The following AKAP6 variants were observed in gnomAD, a reference collection of about 807,000 sequenced individuals.
AKAP6 encodes A-kinase anchor protein 6.
In AKAP6, 58 loss-of-function variants were observed where a neutral mutation model predicts 188.5. The ratio of observed to expected loss-of-function variants is 0.31; its 90% CI spans 0.25 to 0.38. The LOEUF is 0.38. Among genes scored for constraint, AKAP6 ranks in the 10% least tolerant of loss-of-function variants. The probability of loss-of-function intolerance (pLI) is 1.00; values close to 1 mark genes in which losing one functional copy is unlikely to be tolerated. For synonymous variants in AKAP6, 989 were observed against 998.6 expected (o/e 0.99, Z 0.18); for missense variants, 2,710 against 2,740.0 (o/e 0.99, Z 0.24).
At chr14:32,611,331 C>T (rs1451841142) in intron 7 of AKAP6, among the ~76,000 whole-genome samples, 1 of 152,072 alleles carries the variant, frequency 6.6e-6, no homozygotes, top group Non-Finnish European at 1.5e-5. Flanking sequence ...GGTGTGTAAC[C>T]TGGGCATAGA....
chr14:32,557,018 A>G (rs777489150), intron 4 of AKAP6, among the ~76,000 whole-genome samples: 2 of 151,994 alleles, frequency 1.3e-5, no homozygotes, highest in Non-Finnish European at 2.9e-5. Context: ...GGCTAAGACC[A>G]AGTCATCTTC....
At chr14:32,539,040 C>G (rs760525272) in intron 3 of AKAP6, among the ~76,000 whole-genome samples, 4 of 152,132 alleles carry the variant, frequency 2.6e-5, no homozygotes, top group Non-Finnish European at 5.9e-5. Flanking sequence ...GTATAAGACT[C>G]TATGCATTCA....
chr14:32,824,965 T>C (rs2034638526), intron 13 of AKAP6, 150 bp downstream of exon 13: 1 of 499,748 alleles, frequency 2.0e-6, no homozygotes, highest in Non-Finnish European at 3.3e-6. Flanking sequence ...CTCTCAACAA[T>C]GAAAGTAACT....
At chr14:32,501,605 CAGAGT>C (rs1245900966) in intron 2 of AKAP6, among the ~76,000 whole-genome samples, 3 of 152,064 alleles carry the variant, frequency 2.0e-5, no homozygotes, top group Non-Finnish European at 4.4e-5. Context: ...TTGGCGAGTA[CAGAGT>C]AGAGTCTTTA....
chr14:32,727,394 C>T (rs2030925372), intron 9 of AKAP6, among the ~76,000 whole-genome samples: 1 of 152,074 alleles, frequency 6.6e-6, no homozygotes. Flanking sequence ...GTTGCCAGGT[C>T]TCCTACTTAA....
chr14:32,635,357 T>C (rs1594800109), intron 7 of AKAP6, among the ~76,000 whole-genome samples: 1 of 152,112 alleles, frequency 6.6e-6, no homozygotes, highest in Admixed American at 6.6e-5. Context: ...ACATAAGTTA[T>C]GGACAAAATA....
At chr14:32,668,657 G>T (rs1034545690) in intron 7 of AKAP6, among the ~76,000 whole-genome samples, 5 of 151,992 alleles carry the variant, frequency 3.3e-5, no homozygotes, top group African/African-American at 1.2e-4. Context: ...TTTATCTTTT[G>T]CAGTTGTCCT....
At chr14:32,355,476 G>C (rs1032173339) in intron 1 of AKAP6, among the ~76,000 whole-genome samples, 5 of 152,076 alleles carry the variant, frequency 3.3e-5, no homozygotes, top group African/African-American at 1.2e-4. Flanking sequence ...AGGACGGGGA[G>C]GCCTCTAAAT....
chr14:32,809,212 G>C (rs1435569987), intron 12 of AKAP6, among the ~76,000 whole-genome samples: 2 of 152,194 alleles, frequency 1.3e-5, no homozygotes, highest in Non-Finnish European at 2.9e-5. Flanking sequence ...ACAACAGCTA[G>C]AAGTTTAAGG....
At chr14:32,741,225 G>T (rs989815072) in intron 11 of AKAP6, among the ~76,000 whole-genome samples, 1 of 151,852 alleles carries the variant, frequency 6.6e-6, no homozygotes, top group South Asian at 2.1e-4. Flanking sequence ...TGTTGATTTT[G>T]TATCCCGCAA....
intron 7 of AKAP6, among the ~76,000 whole-genome samples, chr14:32,621,256 G>A (rs1021493206): frequency 6.6e-6 from 1 of 151,810 alleles, no homozygotes; most frequent in African/African-American, 2.4e-5. Flanking sequence ...ACTTTCTTGA[G>A]GTGTGGCAAT....
chr14:32,453,226 A>G (rs1331860943), intron 2 of AKAP6, among the ~76,000 whole-genome samples: 5 of 152,194 alleles, frequency 3.3e-5, no homozygotes, highest in African/African-American at 1.2e-4. Context: ...TCCACTCCTC[A>G]TTCTACAGAT....
rs919428065 is a variant in AKAP6 at position 32,654,890 on chromosome 14, A to G, written c.2731-23421A>G. ...AGTATTATGAAGGAGCTATTTTTAC[A>G]CAATATATAAAGGATACAAAAAAAT... On this transcript the variant is annotated intron_variant, in intron 7 of 13. Transcript: ENST00000280979. Among the ~76,000 whole-genome samples the G allele has an allele frequency of 5.9e-5, 9 of 152,108 alleles. No individual in the cohort carries two copies. The South Asian group carries it at 1.9e-3, about 32-fold the overall frequency.
chr14:32,379,697 A>T (rs922018381), intron 1 of AKAP6, among the ~76,000 whole-genome samples: 2 of 152,096 alleles, frequency 1.3e-5, no homozygotes, highest in Non-Finnish European at 2.9e-5. Context: ...CTTGACCTGG[A>T]TGCCTCTCAG....
chr14:32,672,550 G>A (rs1594833067), intron 7 of AKAP6, among the ~76,000 whole-genome samples: 1 of 152,102 alleles, frequency 6.6e-6, no homozygotes, highest in East Asian at 1.9e-4. Context: ...TTCTTACAAG[G>A]ACACCAATTC....
At chr14:32,675,288 C>T (rs909270305) in intron 7 of AKAP6, among the ~76,000 whole-genome samples, 2 of 152,132 alleles carry the variant, frequency 1.3e-5, no homozygotes, top group Non-Finnish European at 2.9e-5. Flanking sequence ...ATTCCATCAC[C>T]GAGTCTTCTT....
chr14:32,577,037 C>G (rs989610080), intron 4 of AKAP6, 83 bp from the exon 5 acceptor site: 8 of 1,490,526 alleles, frequency 5.4e-6, no homozygotes, highest in Non-Finnish European at 6.3e-6. Flanking sequence ...AAATTTGGAA[C>G]TTTTAATATT....
At chr14:32,784,047 A>T (rs2033330204) in intron 12 of AKAP6, among the ~76,000 whole-genome samples, 1 of 151,638 alleles carries the variant, frequency 6.6e-6, no homozygotes, top group South Asian at 2.1e-4. Flanking sequence ...CACATGTGAC[A>T]TATGGAGAAG....
chr14:32,521,713 C>G (rs1881842997), intron 2 of AKAP6, among the ~76,000 whole-genome samples: 1 of 152,226 alleles, frequency 6.6e-6, no homozygotes, highest in South Asian at 2.1e-4. Flanking sequence ...GAAGAACATT[C>G]CATGCTCATG....
Sources: allele counts gnomAD v4.1 joint callset (sites outside exome capture counted in the v4.1 genomes callset), GRCh38; gene constraint gnomAD v4.1.1; transcripts MANE v1.5; gene names NCBI Gene and HGNC (gene_info 2026-07-23, HGNC 2026-07-21).